CD163L1: variants seen among roughly 807,000 people sequenced by gnomAD.
CD163L1 encodes the protein CD163 molecule like 1, also known as scavenger receptor cysteine-rich type 1 protein M160.
A neutral mutation model predicts 165.4 loss-of-function variants in CD163L1; 124 were observed. The ratio of observed to expected loss-of-function variants is 0.75; its 90% confidence interval spans 0.65 to 0.87. CD163L1 has a LOEUF of 0.87. CD163L1 is among the 40% of genes least tolerant of loss of function. CD163L1 has a pLI of 0.00. For missense variants in CD163L1, 1,525 were observed against 1,799.9 expected, an observed-to-expected ratio of 0.85 and a Z score of 2.76; for synonymous variants, 585 against 662.2, an observed-to-expected ratio of 0.88 and a Z score of 1.79.
chr12:7,328,397 A>G, the CD163L1 span: 1 of 1,523,998 alleles, frequency 6.6e-7, no homozygotes, highest in Non-Finnish European at 8.9e-7. Flanking sequence ...CTGAAGGGTT[A>G]AGCAGTAATA....
At chr12:7,395,805 C>G (rs1947761129) in intron 8 of CD163L1, among the ~76,000 whole-genome samples, 1 of 152,012 alleles carries the variant, frequency 6.6e-6, no homozygotes, top group Admixed American at 6.6e-5. Flanking sequence ...TTTTCCTAAA[C>G]TATTTGACTA....
At chr12:7,415,423 G>A (rs1201345202) in intron 4 of CD163L1, among the ~76,000 whole-genome samples, 1 of 151,930 alleles carries the variant, frequency 6.6e-6, no homozygotes, top group Non-Finnish European at 1.5e-5. Context: ...ATAAAACAGT[G>A]TAAAATAATA....
downstream of CD163L1, among the ~76,000 whole-genome samples, chr12:7,345,851 G>A (rs776604005): frequency 2.0e-5 from 3 of 152,286 alleles, 1 homozygote; most frequent in South Asian, 6.2e-4. Context: ...GAAGGCAAAG[G>A]GGGTAGAGTG....
Position 7,367,327 on chromosome 12 carries a change from T to C in CD163L1, c.4188A>G (p.Ser1396=). The C allele has an allele frequency of 6.2e-7, 1 of 1,609,042 alleles. No homozygotes were observed. Among genetic ancestry groups the C allele is most frequent in the South Asian group, 1.1e-5 (1 of 90,888 alleles). Residue 1396 remains serine (S), a synonymous_variant, in exon 18 of 20, where the codon TCA becomes TCG. Coordinates refer to ENST00000313599, the MANE Select transcript of CD163L1 (RefSeq NM_174941.6). ...CCTCGAGAGAACCCCTCCTTCTGGT[T>C]GAAACTGAGAATGGATGCTTCATGG... The part of the protein sequence containing the change: ...QKQKHLPLRV[S]TRRRGSLEEN...
chr12:7,439,770 T>C, intron 2 of CD163L1: 2 of 1,613,508 alleles, frequency 1.2e-6, no homozygotes, highest in Non-Finnish European at 1.7e-6. Flanking sequence ...TGTAAAGAAT[T>C]TCACCCCCCT....
downstream of CD163L1, among the ~76,000 whole-genome samples, chr12:7,350,592 C>A (rs1228842401): frequency 6.6e-6 from 1 of 152,100 alleles, no homozygotes; most frequent in Non-Finnish European, 1.5e-5. Flanking sequence ...AGTACAGTTA[C>A]TCTATTAGTA....
intron 1 of CD163L1, among the ~76,000 whole-genome samples, chr12:7,441,650 C>T (rs1344040836): frequency 6.6e-6 from 1 of 152,110 alleles, no homozygotes; most frequent in Non-Finnish European, 1.5e-5. Context: ...TTCATTTGCT[C>T]CTTTATTGAG....
At chr12:7,386,728 T>C (rs972417849) in intron 8 of CD163L1, among the ~76,000 whole-genome samples, 5 of 151,850 alleles carry the variant, frequency 3.3e-5, no homozygotes, top group Non-Finnish European at 5.9e-5. Flanking sequence ...AAAAACCATA[T>C]GATCACCTCA....
At position 7,369,425 on chromosome 12, in the gene CD163L1, TC is replaced by T; in HGVS notation, c.3970del (p.Asp1324ThrfsTer20). ...CTGTCCCCAGGGTTTGGCGTGACAG[TC>T]CCATAGAAATGACTCATTTCCTTTG... ...RCKGNESFLWDCHAKPWGQSD... is the reference protein window; with the variant it reads ...RCKGNESFLWXCHAKPWGQSD... On this transcript the variant is annotated frameshift_variant, in exon 15 of 20. Coordinates refer to ENST00000313599, the MANE Select transcript of CD163L1 (RefSeq NM_174941.6). LOFTEE classifies it high-confidence loss of function. This position sits in a 1 kb window ranked among gnomAD's most constrained non-coding sequence, Gnocchi z 4.9. The T allele has an allele frequency of 6.2e-7, 1 of 1,614,104 alleles. No homozygotes were observed. The highest frequency in any genetic ancestry group is 8.5e-7 in the Non-Finnish European group (1 of 1,180,004).
chr12:7,398,345 A>G lies in CD163L1; in HGVS notation c.1648T>C (p.Ser550Pro). 1 of 1,614,098 alleles carries G rather than the reference A, an allele frequency of 6.2e-7. No homozygotes were observed. ...CTGTGTTCACAGTCCCAGATATTTG[A>G]CTCATTTCCAATGCAAGAAACGTCA... ...LDDVSCIGNE[S>P]NIWDCEHSGW... is the part of the protein sequence containing the mutation. Residue 550 changes from serine to proline, a missense_variant, in exon 7 of 20, where the codon TCA becomes CCA. Coordinates refer to ENST00000313599, the MANE Select transcript of CD163L1 (RefSeq NM_174941.6). This position sits in a 1 kb window ranked among gnomAD's most constrained non-coding sequence, Gnocchi z 4.5.
chr12:7,398,179 T>G lies in CD163L1; in HGVS notation c.1729+85A>C. Reference sequence around the variant, plus strand: ...TGGCCCCTCAATCAATTCCCACATGTAAGCCAGTTTATAGACCCAGAAGCC... The same window carrying G: ...TGGCCCCTCAATCAATTCCCACATGGAAGCCAGTTTATAGACCCAGAAGCC... On this transcript the variant is annotated intron_variant, in intron 7 of 19. Transcript: ENST00000313599. This position sits in a 1 kb window ranked among gnomAD's most constrained non-coding sequence, Gnocchi z 4.5. The G allele has an allele frequency of 8.0e-7, 1 of 1,249,980 alleles. No homozygotes were observed. Among genetic ancestry groups the G allele is most frequent in the South Asian group, 1.5e-5 (1 of 68,522 alleles). 77.4% of individuals were successfully genotyped at this position (1,249,980 alleles called of 1,614,324 possible). A position where few individuals can be genotyped will look rare whatever the true frequency, so the allele number is the denominator to read the frequency against.
chr12:7,337,292 T>C, the CD163L1 span, among the ~76,000 whole-genome samples: 1 of 151,980 alleles, frequency 6.6e-6, no homozygotes, highest in African/African-American at 2.4e-5. Context: ...CCAAAAGCAA[T>C]GGCAACAAAA....
rs1174535955 is a variant in CD163L1, at chr12:7,389,964, A to ATATATATATTTT, written c.2050+6130_2050+6131insAAAATATATATA. Among the ~76,000 whole-genome samples, 12 of 146,032 alleles carry ATATATATATTTT rather than the reference A, an allele frequency of 8.2e-5. No homozygotes were observed. The South Asian group carries it at 8.5e-4, about 10-fold the overall frequency. ...AAACATTTTATATATATATATTTAT[A>ATATATATATTTT]TATATATATATATATATATGCACAC... On this transcript the variant is annotated intron_variant, in intron 8 of 19. Coordinates refer to ENST00000313599, the MANE Select transcript of CD163L1 (RefSeq NM_174941.6).
chr12:7,427,176 G>A (rs533446566), intron 4 of CD163L1, among the ~76,000 whole-genome samples: 15 of 151,908 alleles, frequency 9.9e-5, no homozygotes, highest in Non-Finnish European at 2.1e-4. Flanking sequence ...TAGCGGACTT[G>A]AACAACACTA....
chr12:7,339,261 A>C, the CD163L1 span, among the ~76,000 whole-genome samples: 2 of 152,180 alleles, frequency 1.3e-5, no homozygotes, highest in Non-Finnish European at 2.9e-5. Context: ...CTTGTGGAGC[A>C]TAAGAAAGTA....
intron 18 of CD163L1, among the ~76,000 whole-genome samples, chr12:7,366,187 C>A (rs866065943): frequency 5.3e-5 from 8 of 151,952 alleles, no homozygotes; most frequent in Middle Eastern, 6.8e-3. Context: ...TATGTGGGAG[C>A]TAAAAATGTT....
chr12:7,346,335 C>CT (rs1946670084), downstream of CD163L1, among the ~76,000 whole-genome samples: 1 of 151,656 alleles, frequency 6.6e-6, no homozygotes, highest in Admixed American at 6.6e-5. Flanking sequence ...TGTATTGATT[C>CT]TTTTTATTAC....
At chr12:7,363,544 A>C (rs184323071) in intron 18 of CD163L1, among the ~76,000 whole-genome samples, 63 of 152,108 alleles carry the variant, frequency 4.1e-4, no homozygotes, top group Admixed American at 1.8e-3. Context: ...TGGACTAAGT[A>C]AAAAGAGAGA....
At chr12:7,334,446 C>A in the CD163L1 span, among the ~76,000 whole-genome samples, 1 of 152,208 alleles carries the variant, frequency 6.6e-6, no homozygotes, top group Non-Finnish European at 1.5e-5. Context: ...AACAACCCTT[C>A]ATGCTAAAAA....
Sources: allele counts gnomAD v4.1 joint callset (sites outside exome capture counted in the v4.1 genomes callset), GRCh38; gene constraint gnomAD v4.1.1; non-coding constraint Gnocchi (gnomAD v3.1); transcripts MANE v1.5; gene names NCBI Gene and HGNC (gene_info 2026-07-23, HGNC 2026-07-21).